Variants in CTNNA3 observed in about 807,000 individuals in gnomAD.
The protein encoded by CTNNA3 is catenin alpha 3.
In CTNNA3, 76 loss-of-function variants were observed where a neutral mutation model predicts 95.7. That is an observed-to-expected ratio of 0.79 (90% CI 0.66 to 0.96). CTNNA3 has a LOEUF of 0.96. CTNNA3 is among the 40% of genes least tolerant of loss of function. The pLI is 0.00. For synonymous variants in CTNNA3, 431 were observed against 374.4 expected, an observed-to-expected ratio of 1.15 and a Z score of -1.74; for missense variants, 1,191 against 1,089.8, an observed-to-expected ratio of 1.09 and a Z score of -1.31.
intron 9 of CTNNA3, among the ~76,000 whole-genome samples, chr10:66,726,889 C>G (rs1328913233): frequency 6.6e-6 from 1 of 152,028 alleles, no homozygotes; most frequent in Non-Finnish European, 1.5e-5. Flanking sequence ...GAAAATTTCA[C>G]CTTCAATCAA....
At chr10:66,177,678 T>C (rs2085789433) in intron 13 of CTNNA3, among the ~76,000 whole-genome samples, 1 of 152,012 alleles carries the variant, frequency 6.6e-6, no homozygotes, top group African/African-American at 2.4e-5. Context: ...TAAGTGAGCA[T>C]TTTATATGAA....
chr10:66,344,612 T>G (rs2092487166), intron 12 of CTNNA3, among the ~76,000 whole-genome samples: 1 of 152,080 alleles, frequency 6.6e-6, no homozygotes, highest in Non-Finnish European at 1.5e-5. Flanking sequence ...AATCAAAAAT[T>G]GAAATTCCTG....
At chr10:66,441,125 G>A (rs2093372480) in intron 11 of CTNNA3, among the ~76,000 whole-genome samples, 1 of 152,088 alleles carries the variant, frequency 6.6e-6, no homozygotes. Flanking sequence ...TTGAGGCCAG[G>A]AGTTTGAGAC....
chr10:67,061,608 GT>G (rs1380943778), intron 7 of CTNNA3, among the ~76,000 whole-genome samples: 1 of 152,176 alleles, frequency 6.6e-6, no homozygotes, highest in Non-Finnish European at 1.5e-5. Flanking sequence ...TTGTAGCAAT[GT>G]TTTAGCAGAA....
At chr10:66,461,948 G>T (rs1046627322) in intron 11 of CTNNA3, among the ~76,000 whole-genome samples, 13 of 151,348 alleles carry the variant, frequency 8.6e-5, no homozygotes, top group African/African-American at 2.9e-4. Flanking sequence ...GAGTAGCTGG[G>T]ATTACAGGTG....
At chr10:67,557,760 G>T (rs1841311075) in intron 3 of CTNNA3, among the ~76,000 whole-genome samples, 1 of 152,188 alleles carries the variant, frequency 6.6e-6, no homozygotes, top group South Asian at 2.1e-4. Context: ...AGGTTTGAAT[G>T]ATATTAAGGC....
intron 16 of CTNNA3, 71 bp downstream of exon 16, chr10:65,988,621 C>A: frequency 1.6e-6 from 2 of 1,270,890 alleles, no homozygotes; most frequent in South Asian, 2.6e-5. Flanking sequence ...TTAACTTTGC[C>A]TAAATCAATG....
At chr10:66,871,585 A>C (rs1844409598) in intron 7 of CTNNA3, among the ~76,000 whole-genome samples, 1 of 138,722 alleles carries the variant, frequency 7.2e-6, no homozygotes, top group Admixed American at 7.4e-5. Context: ...AAAAAAAAAA[A>C]AGTACTCAAC....
chr10:66,454,745 T>C (rs1052867172), intron 11 of CTNNA3, among the ~76,000 whole-genome samples: 1 of 136,172 alleles, frequency 7.3e-6, no homozygotes, highest in African/African-American at 2.8e-5. Flanking sequence ...ATTACACTGA[T>C]ATCAAAGCCA....
intron 7 of CTNNA3, among the ~76,000 whole-genome samples, chr10:67,161,199 T>A (rs1473994647): frequency 6.6e-6 from 1 of 151,996 alleles, no homozygotes; most frequent in Non-Finnish European, 1.5e-5. Context: ...TTTGTCACAA[T>A]AAATAAATTA....
chr10:67,378,629 T>A (rs1346506673), intron 5 of CTNNA3, among the ~76,000 whole-genome samples: 1 of 152,160 alleles, frequency 6.6e-6, no homozygotes, highest in East Asian at 1.9e-4. Context: ...AAGTCCCTCA[T>A]CCACGTATGA....
chr10:67,263,317 G>A (rs1012118562), intron 5 of CTNNA3, among the ~76,000 whole-genome samples: 8 of 151,954 alleles, frequency 5.3e-5, no homozygotes, highest in Non-Finnish European at 1.2e-4. Context: ...TTTTTATTAC[G>A]GCATCATAAA....
chr10:67,354,271 A>G (rs771533337), intron 5 of CTNNA3, among the ~76,000 whole-genome samples: 15 of 152,012 alleles, frequency 9.9e-5, no homozygotes, highest in Non-Finnish European at 1.6e-4. Flanking sequence ...ACATTCTCCA[A>G]AATAACCCTA....
intron 1 of CTNNA3, among the ~76,000 whole-genome samples, chr10:67,755,040 A>G (rs1813519310): frequency 6.6e-6 from 1 of 152,034 alleles, no homozygotes; most frequent in Admixed American, 6.6e-5. Flanking sequence ...TCTACAAAAC[A>G]AAAAAATTAA....
chr10:67,118,404 G>C (rs892083161), intron 7 of CTNNA3, among the ~76,000 whole-genome samples: 3 of 151,886 alleles, frequency 2.0e-5, no homozygotes. Flanking sequence ...AAACTTACAA[G>C]GACATGCCCT....
chr10:66,765,529 T>C (rs905902674), intron 9 of CTNNA3, among the ~76,000 whole-genome samples: 8 of 152,164 alleles, frequency 5.3e-5, no homozygotes, highest in African/African-American at 1.9e-4. Context: ...TCCCACTTCT[T>C]GCCACTGGTT....
At chr10:65,989,302 TA>T (rs1254328858) in intron 15 of CTNNA3, among the ~76,000 whole-genome samples, 4 of 152,156 alleles carry the variant, frequency 2.6e-5, no homozygotes, top group Non-Finnish European at 5.9e-5. Flanking sequence ...TTATTATTAT[TA>T]TTTTTTAATG....
At chr10:66,976,098 T>C (rs1483600861) in intron 7 of CTNNA3, among the ~76,000 whole-genome samples, 4 of 152,186 alleles carry the variant, frequency 2.6e-5, no homozygotes, top group African/African-American at 9.6e-5. Flanking sequence ...TAGGTGCTAG[T>C]AGCTTTGTAT....
intron 12 of CTNNA3, among the ~76,000 whole-genome samples, chr10:66,330,071 TC>T (rs779099902): frequency 6.6e-6 from 1 of 152,178 alleles, no homozygotes; most frequent in East Asian, 1.9e-4. Context: ...AGCACATATT[TC>T]TTTTTTTTAT....
Sources: allele counts gnomAD v4.1 joint callset (sites outside exome capture counted in the v4.1 genomes callset), GRCh38; gene constraint gnomAD v4.1.1; transcripts MANE v1.5; gene names NCBI Gene and HGNC (gene_info 2026-07-23, HGNC 2026-07-21).